PFKM: variants seen among roughly 807,000 people sequenced by gnomAD.
PFKM encodes the protein ATP-dependent 6-phosphofructokinase, muscle type.
In PFKM, 58 loss-of-function variants were observed where a neutral mutation model predicts 95.5. The ratio of observed to expected loss-of-function variants is 0.61; its 90% confidence interval spans 0.49 to 0.76. The LOEUF is 0.76. PFKM is among the 30% of genes least tolerant of loss of function. The pLI is 0.00. For synonymous variants in PFKM, 336 were observed against 357.2 expected, an observed-to-expected ratio of 0.94 and a Z score of 0.67; for missense variants, 678 against 1,005.4, an observed-to-expected ratio of 0.67 and a Z score of 4.40.
upstream of PFKM, among the ~76,000 whole-genome samples, chr12:48,116,493 G>T (rs1947695009): frequency 6.6e-6 from 1 of 151,832 alleles, no homozygotes; most frequent in Non-Finnish European, 1.5e-5. Flanking sequence ...AATTTTTTAT[G>T]TTTGAGACAG....
At chr12:48,110,432 G>A (rs985259505) in intron 3 of PFKM, among the ~76,000 whole-genome samples, 1 of 152,264 alleles carries the variant, frequency 6.6e-6, no homozygotes, top group African/African-American at 2.4e-5. Flanking sequence ...GGAGAGGTAC[G>A]AGGGTAGTTA....
At chr12:48,131,962 A>T in intron 4 of PFKM, 1 of 454,946 alleles carries the variant, frequency 2.2e-6, no homozygotes, top group Non-Finnish European at 4.4e-6. Flanking sequence ...GAGAAATACA[A>T]TCATTTGCTG....
At chr12:48,127,137 G>A (rs1300224343) in intron 2 of PFKM, among the ~76,000 whole-genome samples, 1 of 152,170 alleles carries the variant, frequency 6.6e-6, no homozygotes, top group East Asian at 1.9e-4. Flanking sequence ...ATTTGGCACT[G>A]TTCCAACTTC....
At position 48,145,648 on chromosome 12, in the gene PFKM, T is replaced by C. The variant is rs759402972; in HGVS notation, c.2283T>C (p.Thr761=). 1 of 1,614,136 alleles carries C rather than the reference T, an allele frequency of 6.2e-7. No homozygotes were observed. The highest frequency in any genetic ancestry group is 1.3e-5 in the African/African-American group (1 of 75,022). ...CCAAGTACGAGATTGACTTGGACACTTCAGACCATGCCCACCTGGAGCACA... is the reference window on the plus strand; with the variant it reads ...CCAAGTACGAGATTGACTTGGACACCTCAGACCATGCCCACCTGGAGCACA... ...ILAKYEIDLD[T]SDHAHLEHIT... The change falls in exon 23 of 23, where the codon ACT becomes ACC. Residue 761 remains threonine (T), a synonymous_variant. Transcript: ENST00000359794. This position sits in a 1 kb window ranked among gnomAD's most constrained non-coding sequence, Gnocchi z 4.3.
In PFKM at chr12:48,144,083, A is replaced by G. The variant is rs142495522; in HGVS notation, c.1918A>G (p.Ile640Val). The G allele has an allele frequency of 2.5e-5, 41 of 1,614,016 alleles. No homozygotes were observed. The highest frequency in any genetic ancestry group is 3.5e-5 in the Non-Finnish European group (41 of 1,179,866). The change falls in exon 20 of 23, where the codon ATT becomes GTT. Residue 640 changes from isoleucine to valine, a missense_variant. Coordinates refer to ENST00000359794, the MANE Select transcript of PFKM (RefSeq NM_000289.6). ...CAATGAGAACTATACCACTGACTTC[A>G]TTTTCAACCTGTACTCTGAGGAGGG... ...KCNENYTTDF[I>V]FNLYSEEGKG...
intron 17 of PFKM, 37 bp downstream of exon 17, chr12:48,142,103 A>G: frequency 6.2e-7 from 1 of 1,601,588 alleles, no homozygotes; most frequent in Non-Finnish European, 8.6e-7. Flanking sequence ...CCTTTTGGCC[A>G]GGATTATAAT....
At chr12:48,126,316 A>G (rs1209939571) in intron 2 of PFKM, among the ~76,000 whole-genome samples, 4 of 152,186 alleles carry the variant, frequency 2.6e-5, no homozygotes, top group East Asian at 3.8e-4. Flanking sequence ...AACTATTTGT[A>G]TACCCCAAAG....
intron 3 of PFKM, among the ~76,000 whole-genome samples, chr12:48,113,430 G>GT (rs1947383792): frequency 6.6e-6 from 1 of 152,238 alleles, no homozygotes; most frequent in South Asian, 2.1e-4. Flanking sequence ...GAAGGAGTCA[G>GT]TCAGAGAGCC....
At chr12:48,118,549 G>C, upstream of PFKM, 1 of 1,517,944 alleles carries the variant, frequency 6.6e-7, no homozygotes, top group Non-Finnish European at 8.8e-7. Context: ...GAGGAGACCC[G>C]ACTGTGGAGA....
chr12:48,121,935 T>C (rs929932081), intron 1 of PFKM, among the ~76,000 whole-genome samples: 1 of 152,200 alleles, frequency 6.6e-6, no homozygotes, highest in African/African-American at 2.4e-5. Context: ...GATACAAAAA[T>C]ACGTCCTCTT....
chr12:48,138,133 C>G (rs1350953855), intron 11 of PFKM, among the ~76,000 whole-genome samples: 1 of 152,128 alleles, frequency 6.6e-6, no homozygotes, highest in Non-Finnish European at 1.5e-5. Flanking sequence ...ACCTTTTTAT[C>G]TTGTCTTTAT....
chr12:48,141,455 A>G (rs774454974), intron 15 of PFKM, 74 bp downstream of exon 15: 119 of 1,312,502 alleles, frequency 9.1e-5, no homozygotes, highest in Middle Eastern at 5.4e-4. Context: ...TCATTATGCC[A>G]TGGTCTGCTT....
upstream of PFKM, chr12:48,105,850 G>A: frequency 3.3e-6 from 2 of 601,116 alleles, no homozygotes; most frequent in South Asian, 2.0e-5. Flanking sequence ...GCGGCCACCG[G>A]ACAGCAGGGG....
intron 3 of PFKM, among the ~76,000 whole-genome samples, chr12:48,108,547 A>C (rs917289615): frequency 6.6e-5 from 10 of 152,200 alleles, no homozygotes; most frequent in Admixed American, 2.0e-4. Flanking sequence ...CTTGATATAT[A>C]AATATGTGAA....
At chr12:48,109,897 G>A (rs1947034091) in intron 3 of PFKM, among the ~76,000 whole-genome samples, 3 of 151,946 alleles carry the variant, frequency 2.0e-5, no homozygotes, top group Non-Finnish European at 4.4e-5. Context: ...AAGAGAATGT[G>A]TTGAGCACAT....
intron 13 of PFKM, 48 bp downstream of exon 13, chr12:48,139,960 C>CA (rs773519998): frequency 1.5e-4 from 186 of 1,236,042 alleles, no homozygotes; most frequent in Non-Finnish European, 2.0e-4. Flanking sequence ...CTCCCTCCCC[C>CA]AGTCTCTCTT....
At chr12:48,125,273 G>A in intron 2 of PFKM, 1 of 436,350 alleles carries the variant, frequency 2.3e-6, no homozygotes, top group South Asian at 1.6e-5. Flanking sequence ...TCTGTCTCCA[G>A]ATAGCCAGCC....
In PFKM at chr12:48,143,740, C is replaced by G. The variant is rs746420801; in HGVS notation, c.1819-13C>G. 3 of 1,607,390 alleles carry G rather than the reference C, an allele frequency of 1.9e-6. No individual in the cohort carries two copies. The highest frequency in any genetic ancestry group is 1.7e-5 in the Admixed American group (1 of 60,016). Reference sequence around the variant, plus strand: ...TTCCCAGTTAGGCTTAGGATTTACTCTTTCATTTTCAGGCAAATGTTGAAC... The same window carrying G: ...TTCCCAGTTAGGCTTAGGATTTACTGTTTCATTTTCAGGCAAATGTTGAAC... On this transcript the variant is annotated splice_polypyrimidine_tract_variant and intron_variant, in intron 18 of 22. Coordinates refer to ENST00000359794, the MANE Select transcript of PFKM (RefSeq NM_000289.6).
chr12:48,108,117 C>T, exon 3 of PFKM: 2 of 1,599,160 alleles, frequency 1.3e-6, no homozygotes, highest in South Asian at 2.2e-5. Flanking sequence ...AAGCCACCAC[C>T]AAAGACAGAC....
Sources: allele counts gnomAD v4.1 joint callset (sites outside exome capture counted in the v4.1 genomes callset), GRCh38; gene constraint gnomAD v4.1.1; non-coding constraint Gnocchi (gnomAD v3.1); transcripts MANE v1.5; gene names NCBI Gene and HGNC (gene_info 2026-07-23, HGNC 2026-07-21).